Variants in P4HB observed in about 807,000 individuals in gnomAD.
P4HB encodes the protein prolyl 4-hydroxylase subunit beta.
P4HB carries 20 observed loss-of-function variants against 52.6 expected under a neutral mutation model. That is an observed-to-expected ratio of 0.38 (90% confidence interval 0.27 to 0.55). The LOEUF is 0.55. P4HB is among the 20% of genes least tolerant of loss of function. The pLI is 0.74. For synonymous variants in P4HB, 296 were observed against 277.9 expected (o/e 1.07, Z -0.65); for missense variants, 601 against 669.2 (o/e 0.90, Z 1.12).
rs2143317323 is a variant in P4HB, at chr17:81,846,080, C to T, written c.1057-89G>A. The T allele has an allele frequency of 3.5e-6, 5 of 1,431,742 alleles. No individual in the cohort carries two copies. Among genetic ancestry groups the T allele is most frequent in the Middle Eastern group, 2.4e-4 (1 of 4,096 alleles). 88.7% of individuals were successfully genotyped at this position (1,431,742 alleles called of 1,614,324 possible). ...CCTCACCCTGCCCGGGACTGAGGTG[C>T]GTGGCTGCCCTGGGCACACCAGGGT... On this transcript the variant is annotated intron_variant, in intron 7 of 10. Coordinates refer to ENST00000331483, the MANE Select transcript of P4HB (RefSeq NM_000918.4). This position sits in a 1 kb window ranked among gnomAD's most constrained non-coding sequence, Gnocchi z 5.7.
At chr17:81,854,366 C>T (rs984946757) in intron 4 of P4HB, among the ~76,000 whole-genome samples, 1 of 150,652 alleles carries the variant, frequency 6.6e-6, no homozygotes, top group African/African-American at 2.4e-5. Context: ...ACAGCAAAAC[C>T]CCATGTCTAC....
chr17:81,843,526 G>C lies in P4HB; in HGVS notation c.*486C>G, dbSNP rs1412210217. 3 of 409,556 alleles carry C rather than the reference G, an allele frequency of 7.3e-6. No homozygotes were observed. The allele number at this position is 409,556 out of a possible 1,614,324, so 25.4% of individuals were successfully genotyped here. Reference sequence around the variant, plus strand: ...AGCCATGATCAGTCATGGCGACACTGCAGGCGGTACTGAGTGACCATGTCC... The same window carrying C: ...AGCCATGATCAGTCATGGCGACACTCCAGGCGGTACTGAGTGACCATGTCC... On this transcript the variant is annotated 3_prime_UTR_variant, in exon 11 of 11. Coordinates refer to ENST00000331483, the MANE Select transcript of P4HB (RefSeq NM_000918.4).
chr17:81,848,517 C>T (rs532159730), intron 4 of P4HB, among the ~76,000 whole-genome samples: 4 of 152,268 alleles, frequency 2.6e-5, no homozygotes, highest in African/African-American at 7.2e-5. Flanking sequence ...GGGTGGATCG[C>T]TTGAGACCAG....
At chr17:81,845,514 T>C (rs1402135018) in intron 9 of P4HB, 47 bp downstream of exon 9, 1 of 1,519,614 alleles carries the variant, frequency 6.6e-7, no homozygotes, top group Non-Finnish European at 8.9e-7. Context: ...TGGGGACCAC[T>C]GCTCTTCCCA....
chr17:81,852,760 C>T (rs1183302534), intron 4 of P4HB, among the ~76,000 whole-genome samples: 1 of 152,250 alleles, frequency 6.6e-6, no homozygotes, highest in African/African-American at 2.4e-5. Context: ...ACGAAACCAC[C>T]CTCCCAGCCT....
In P4HB at chr17:81,855,369, C is replaced by G. The variant is rs1054487152; in HGVS notation, c.486+84G>C. ...TGTAGAGCCCAGGCCAGGGGGGACA[C>G]GTGCAGAACTGCCAGCTGCAGGCTG... On this transcript the variant is annotated intron_variant, in intron 3 of 10. Coordinates refer to ENST00000331483, the MANE Select transcript of P4HB (RefSeq NM_000918.4). The surrounding 1 kb of genome is among the most constrained non-coding windows in gnomAD (Gnocchi z 4.3). 2 of 1,596,252 alleles carry G rather than the reference C, an allele frequency of 1.3e-6. No homozygotes were observed. The highest frequency in any genetic ancestry group is 2.7e-5 in the African/African-American group (2 of 74,532).
chr17:81,859,402 G>A lies in P4HB; in HGVS notation c.146-15C>T, dbSNP rs1567842949. The A allele has an allele frequency of 6.2e-7, 1 of 1,609,136 alleles. No homozygotes were observed. The highest frequency in any genetic ancestry group is 2.2e-5 in the East Asian group (1 of 44,796). ...CCAAGGGGCATCTGGAAGCGGAAAT[G>A]AGATGCTAGAAAGCAGCCTTGATCC... On this transcript the variant is annotated splice_polypyrimidine_tract_variant and intron_variant, in intron 1 of 10. Coordinates refer to ENST00000331483, the MANE Select transcript of P4HB (RefSeq NM_000918.4).
chr17:81,860,412 G>T lies in P4HB; in HGVS notation c.60C>A (p.Pro20=). ...AVAALVRADA[P]EEEDHVLVLR... is the part of the protein sequence containing the mutation. ...GCACCAGGACGTGGTCCTCCTCCTC[G>T]GGGGCGTCGGCGCGCACCAGGGCGG... Residue 20 remains proline, a synonymous_variant, in exon 1 of 11, where the codon CCC becomes CCA. Transcript: ENST00000331483. The T allele has an allele frequency of 2.1e-6, 3 of 1,437,346 alleles. No individual in the cohort carries two copies. In the South Asian group the frequency reaches 4.2e-5, roughly 20 times the overall value. 89.0% of individuals were successfully genotyped at this position (1,437,346 alleles called of 1,614,324 possible). A position where few individuals can be genotyped will look rare whatever the true frequency, so the allele number is the denominator to read the frequency against.
At chr17:81,850,946 T>A (rs1055889351) in intron 4 of P4HB, among the ~76,000 whole-genome samples, 1 of 151,592 alleles carries the variant, frequency 6.6e-6, no homozygotes, top group African/African-American at 2.4e-5. Context: ...CCTTTTTTTT[T>A]TTTGAGACAG....
chr17:81,848,676 C>T (rs1372129273), intron 4 of P4HB, among the ~76,000 whole-genome samples: 4 of 129,766 alleles, frequency 3.1e-5, no homozygotes, highest in Admixed American at 9.4e-5. Context: ...GCGGAGGTTG[C>T]GGTGAGCCGA....
At chr17:81,850,499 C>T (rs999206604) in intron 4 of P4HB, among the ~76,000 whole-genome samples, 1 of 150,854 alleles carries the variant, frequency 6.6e-6, no homozygotes, top group African/African-American at 2.5e-5. Context: ...TATTTTGAGA[C>T]TGAGTTTTGC....
chr17:81,844,880 G>T (rs187718366), intron 10 of P4HB, among the ~76,000 whole-genome samples: 2 of 152,386 alleles, frequency 1.3e-5, no homozygotes, highest in Middle Eastern at 6.8e-3. Flanking sequence ...TGTCTGAAAA[G>T]GTTTTCTAAG....
At chr17:81,859,081 A>T (rs2038957948) in intron 2 of P4HB, 100 bp downstream of exon 2, 1 of 1,077,758 alleles carries the variant, frequency 9.3e-7, no homozygotes, top group South Asian at 1.3e-5. Context: ...AAGCCTCTGG[A>T]ACCCGGCCTC....
intron 9 of P4HB, 69 bp downstream of exon 9, chr17:81,845,492 C>A (rs1478727523): frequency 1.1e-5 from 16 of 1,446,212 alleles, no homozygotes; most frequent in Non-Finnish European, 1.4e-5. Context: ...CAGAGAGGCA[C>A]CCAGGCTGGC....
chr17:81,858,790 G>A (rs935813379), intron 2 of P4HB: 3 of 212,400 alleles, frequency 1.4e-5, no homozygotes, highest in Admixed American at 5.3e-5. Context: ...GCGGCAGCTG[G>A]CACGCTACAC....
rs201622621 is a variant in P4HB at position 81,845,660 on chromosome 17, G to A, written c.1260C>T (p.Ile420=). The stretch of plus-strand genomic sequence containing the variant: ...CAGTCGAGTCCATCTTGGCGATGAC[G>A]ATGTTCTCATGGTCCTTGTACGTCT... ...LGETYKDHEN[I]VIAKMDSTAN... The change falls in exon 9 of 11, where the codon ATC becomes ATT. Residue 420 remains isoleucine, a synonymous_variant. Transcript: ENST00000331483. 31 of 1,613,702 alleles carry A rather than the reference G, an allele frequency of 1.9e-5. No homozygotes were observed. Among genetic ancestry groups the A allele is most frequent in the East Asian group, 2.2e-5 (1 of 44,888 alleles).
At chr17:81,848,353 A>G (rs1374688298) in intron 4 of P4HB, among the ~76,000 whole-genome samples, 1 of 152,222 alleles carries the variant, frequency 6.6e-6, no homozygotes, top group East Asian at 1.9e-4. Context: ...GGAATCTAAA[A>G]CATCACTCAG....
chr17:81,860,250 T>C, intron 1 of P4HB, 77 bp downstream of exon 1: 2 of 1,216,050 alleles, frequency 1.6e-6, no homozygotes, highest in Non-Finnish European at 2.1e-6. Context: ...CCCCGGGGGC[T>C]GCCGGGCCGT....
At chr17:81,851,716 C>G (rs181330914) in intron 4 of P4HB, among the ~76,000 whole-genome samples, 45 of 152,344 alleles carry the variant, frequency 3.0e-4, no homozygotes, top group Admixed American at 2.9e-3. Context: ...CATCTCATGC[C>G]AAGAAGCCAG....
Sources: gnomAD v4.1 joint callset for allele counts (sites outside exome capture counted in the v4.1 genomes callset) on GRCh38, gnomAD v4.1.1 for gene constraint, Gnocchi (gnomAD v3.1) non-coding constraint, MANE v1.5 for transcripts, NCBI Gene and HGNC (gene_info 2026-07-23, HGNC 2026-07-21) for gene names.